RAB1B: variants seen among roughly 807,000 people sequenced by gnomAD.
The protein encoded by RAB1B is RAB1B, member RAS oncogene family, also known as ras-related protein Rab-1B.
Under a neutral mutation model 24.8 loss-of-function variants are expected in RAB1B, and 10 were observed. The observed-to-expected ratio is 0.40, with a 90% confidence interval of 0.25 to 0.68. The LOEUF is 0.68. RAB1B is among the 30% of genes least tolerant of loss of function. The pLI is 0.37. For synonymous variants in RAB1B, 99 were observed against 111.7 expected (o/e 0.89, Z 0.72); for missense variants, 154 against 271.2 (o/e 0.57, Z 3.04).
At chr11:66,271,488 CAAAAAA>C (rs71270565) in intron 1 of RAB1B, 28 of 48,486 alleles carry the variant, frequency 5.8e-4, no homozygotes, top group South Asian at 1.7e-3. Flanking sequence ...AACTCAGTCT[CAAAAAA>C]AAAAAAAAAA....
At chr11:66,271,692 C>A in intron 1 of RAB1B, 105 bp from the exon 2 acceptor site, 1 of 786,706 alleles carries the variant, frequency 1.3e-6, no homozygotes, top group Non-Finnish European at 2.2e-6. Context: ...TAAAAATAAA[C>A]CAAGGGATGC....
chr11:66,275,983 G>A (rs1197094924), intron 5 of RAB1B, 48 bp downstream of exon 5: 2 of 1,606,972 alleles, frequency 1.2e-6, no homozygotes, highest in Admixed American at 1.7e-5. Flanking sequence ...GGGGCCTGCT[G>A]CCCCTCACCT....
intron 2 of RAB1B, 51 bp downstream of exon 2, chr11:66,271,920 G>C: frequency 1.4e-6 from 2 of 1,422,190 alleles, no homozygotes; most frequent in Non-Finnish European, 2.0e-6. Context: ...ACTGGCAGCT[G>C]GGGGGAGAAG....
intron 4 of RAB1B, among the ~76,000 whole-genome samples, chr11:66,274,172 A>G (rs1185163947): frequency 1.3e-5 from 2 of 152,132 alleles, no homozygotes; most frequent in Non-Finnish European, 2.9e-5. Context: ...AATCCTTGTC[A>G]GCCTGACCAG....
Position 66,272,184 on chromosome 11 carries a change from A to G in RAB1B, c.115A>G (p.Ser39Gly). 1 of 1,613,808 alleles carries G rather than the reference A, an allele frequency of 6.2e-7. No homozygotes were observed. Among genetic ancestry groups the G allele is most frequent in the Non-Finnish European group, 8.5e-7 (1 of 1,179,704 alleles). Residue 39 changes from serine (S) to glycine (G), a missense_variant, in exon 3 of 6, where the codon AGC (serine) becomes GGC (glycine). This residue lies in a region of RAB1B where 77 missense variants were observed against 173.4 expected (regional missense o/e 0.44). Coordinates refer to ENST00000311481, the MANE Select transcript of RAB1B (RefSeq NM_030981.3). ...TGACACGTACACAGAGAGCTACATC[A>G]GCACCATCGGGGTGGACTTCAAGAT... ...ADDTYTESYISTIGVDFKIRT... is the reference protein window; with the variant it reads ...ADDTYTESYIGTIGVDFKIRT...
chr11:66,275,790 C>G lies in RAB1B; in HGVS notation c.280-14C>G. 1 of 1,565,392 alleles carries G rather than the reference C, an allele frequency of 6.4e-7. No homozygotes were observed. Among genetic ancestry groups the G allele is most frequent in the Non-Finnish European group, 8.7e-7 (1 of 1,154,740 alleles). On this transcript the variant is annotated splice_polypyrimidine_tract_variant and intron_variant, in intron 4 of 5. Coordinates refer to ENST00000311481, the MANE Select transcript of RAB1B (RefSeq NM_030981.3). ...GTTGGGAGCAAAATAACTTTGGCCC[C>G]TGGCCCCCTTTAGGAATCCTACGCC...
At chr11:66,273,913 CAG>C (rs1479777973) in intron 4 of RAB1B, among the ~76,000 whole-genome samples, 2 of 152,140 alleles carry the variant, frequency 1.3e-5, no homozygotes, top group African/African-American at 4.8e-5. Flanking sequence ...CTGCAGAACT[CAG>C]ATGTCCAGCG....
At chr11:66,276,001 C>G in intron 5 of RAB1B, 43 bp from the exon 6 acceptor site, 1 of 1,589,216 alleles carries the variant, frequency 6.3e-7, no homozygotes, top group Non-Finnish European at 8.6e-7. Flanking sequence ...CCTGCTCTCC[C>G]CTCCTCTTCT....
rs1856981891 is a variant in RAB1B, at chr11:66,268,655, G to A, written c.-25G>A. 6.4e-7 allele frequency: 1 copy of A among 1,561,306 alleles called. No homozygotes were observed. Among genetic ancestry groups the A allele is most frequent in the Admixed American group, 2.0e-5 (1 of 50,644 alleles). On this transcript the variant is annotated 5_prime_UTR_variant, in exon 1 of 6. Coordinates refer to ENST00000311481, the MANE Select transcript of RAB1B (RefSeq NM_030981.3). ...AGGCGGAGCAGAGTCGACTGGGAGC[G>A]ACCGAGCGGGCCGCCGCCGCCGCCA...
intron 4 of RAB1B, chr11:66,272,708 TCA>T (rs1857080757): frequency 6.0e-6 from 2 of 332,328 alleles, no homozygotes; most frequent in African/African-American, 2.1e-5. Context: ...GGACAAGGCC[TCA>T]CACCTTCCCT....
intron 4 of RAB1B, among the ~76,000 whole-genome samples, 187 bp from the exon 5 acceptor site, chr11:66,275,617 C>T (rs994031113): frequency 1.3e-4 from 20 of 152,026 alleles, no homozygotes; most frequent in Admixed American, 9.2e-4. Flanking sequence ...TTCTGGGTCT[C>T]GGATGGAAGA....
intron 1 of RAB1B, among the ~76,000 whole-genome samples, chr11:66,269,650 T>C (rs1243840249): frequency 6.6e-6 from 1 of 152,194 alleles, no homozygotes; most frequent in East Asian, 1.9e-4. Context: ...CGAAGGGACT[T>C]TGGAGTCTGA....
At chr11:66,274,729 CT>C (rs1857113978) in intron 4 of RAB1B, among the ~76,000 whole-genome samples, 1 of 146,134 alleles carries the variant, frequency 6.8e-6, no homozygotes, top group Admixed American at 6.8e-5. Context: ...CCTCTTCCCC[CT>C]CTCCCCTCTT....
At chr11:66,271,697 G>A in intron 1 of RAB1B, 100 bp from the exon 2 acceptor site, 1 of 814,662 alleles carries the variant, frequency 1.2e-6, no homozygotes, top group Non-Finnish European at 2.1e-6. Flanking sequence ...ATAAACCAAG[G>A]GATGCCTCAT....
At chr11:66,274,563 C>T (rs1857111314) in intron 4 of RAB1B, among the ~76,000 whole-genome samples, 1 of 152,166 alleles carries the variant, frequency 6.6e-6, no homozygotes, top group Non-Finnish European at 1.5e-5. Context: ...TCTTGCTATT[C>T]TGATCTGGGC....
chr11:66,272,260 T>C lies in RAB1B; in HGVS notation c.183+8T>C, dbSNP rs1253604464. The C allele has an allele frequency of 6.2e-6, 10 of 1,612,012 alleles. No homozygotes were observed. The highest frequency in any genetic ancestry group is 7.6e-6 in the Non-Finnish European group (9 of 1,178,240). On this transcript the variant is annotated splice_region_variant and intron_variant, in intron 3 of 5. Coordinates refer to ENST00000311481, the MANE Select transcript of RAB1B (RefSeq NM_030981.3). The stretch of plus-strand genomic sequence containing the variant: ...ACTATCAAACTTCAGATCGTGAGTG[T>C]CGCTCTTCCCAAAATCCCCAGTACA...
intron 4 of RAB1B, among the ~76,000 whole-genome samples, chr11:66,273,116 G>C (rs970620798): frequency 6.6e-6 from 1 of 152,202 alleles, no homozygotes; most frequent in Non-Finnish European, 1.5e-5. Flanking sequence ...ACTTGCCGAG[G>C]GTCCTTCAGC....
At chr11:66,274,677 A>G (rs540304069) in intron 4 of RAB1B, among the ~76,000 whole-genome samples, 1 of 151,888 alleles carries the variant, frequency 6.6e-6, no homozygotes, top group South Asian at 2.1e-4. Flanking sequence ...ATGCTAAGAC[A>G]GTCTGTGCTC....
chr11:66,274,740 T>G (rs1041133248), intron 4 of RAB1B, among the ~76,000 whole-genome samples: 2 of 121,974 alleles, frequency 1.6e-5, no homozygotes, highest in African/African-American at 3.1e-5. Context: ...TCTCCCCTCT[T>G]GCCTTTCTCC....
Sources: gnomAD v4.1 joint callset for allele counts (sites outside exome capture counted in the v4.1 genomes callset) on GRCh38, gnomAD v4.1.1 for gene constraint, gnomAD v4.1.1 regional missense constraint, MANE v1.5 for transcripts, NCBI Gene and HGNC (gene_info 2026-07-23, HGNC 2026-07-21) for gene names.